The following GREB1 variants were observed in gnomAD, a reference collection of about 807,000 sequenced individuals.
GREB1 encodes the protein protein GREB1.
GREB1 carries 106 observed loss-of-function variants against 200.7 expected under a neutral mutation model. The observed-to-expected ratio is 0.53, with a 90% confidence interval of 0.45 to 0.62. The LOEUF (loss-of-function observed/expected upper bound fraction) is 0.62, where lower values mean the gene tolerates loss of function less well. GREB1 is among the 20% of genes least tolerant of loss of function. The pLI, the probability that GREB1 is intolerant of heterozygous loss-of-function variation, is 0.00. For synonymous variants in GREB1, 1,132 were observed against 1,092.4 expected, an observed-to-expected ratio of 1.04 and a Z score of -0.72; for missense variants, 2,243 against 2,556.8, an observed-to-expected ratio of 0.88 and a Z score of 2.65.
At chr2:11,593,551 A>C (rs1216728487) in intron 11 of GREB1, among the ~76,000 whole-genome samples, 2 of 152,020 alleles carry the variant, frequency 1.3e-5, no homozygotes, top group Admixed American at 1.3e-4. Context: ...CAGTGGCCTG[A>C]TCTTGGCTCA....
intron 9 of GREB1, chr2:11,588,045 G>A (rs1680344345): frequency 1.5e-6 from 1 of 664,680 alleles, no homozygotes; most frequent in Non-Finnish European, 1.9e-6. Context: ...GGGCAACATG[G>A]TGAAACCTTG....
intron 4 of GREB1, among the ~76,000 whole-genome samples, chr2:11,572,217 A>G (rs895552384): frequency 5.9e-5 from 9 of 152,196 alleles, no homozygotes; most frequent in African/African-American, 1.9e-4. Flanking sequence ...CTGGGAAGGC[A>G]CTGGATGGAG....
rs1235753060 is a variant in GREB1 at position 11,633,773 on chromosome 2, C to T, written c.4992-358C>T. Among the ~76,000 whole-genome samples, 1 of 152,074 alleles carries T rather than the reference C, an allele frequency of 6.6e-6. No homozygotes were observed. Among genetic ancestry groups the T allele is most frequent in the Non-Finnish European group, 1.5e-5 (1 of 68,026 alleles). Reference sequence around the variant, plus strand: ...CTCCCTTCCTGCTGCCCCAGCCCCACCCCTCCTCACTAGCCTGACTGCTGA... The same window carrying T: ...CTCCCTTCCTGCTGCCCCAGCCCCATCCCTCCTCACTAGCCTGACTGCTGA... On this transcript the variant is annotated intron_variant, in intron 28 of 32. Coordinates refer to ENST00000381486, the MANE Select transcript of GREB1 (RefSeq NM_014668.4). This position sits in a 1 kb window ranked among gnomAD's most constrained non-coding sequence, Gnocchi z 4.1.
chr2:11,552,236 G>C (rs946753946), intron 1 of GREB1, among the ~76,000 whole-genome samples: 1 of 152,218 alleles, frequency 6.6e-6, no homozygotes, highest in African/African-American at 2.4e-5. Context: ...TCACACACCA[G>C]CCTGGAGAGA....
chr2:11,531,780 G>A (rs1209431641), upstream of GREB1, among the ~76,000 whole-genome samples: 15 of 151,958 alleles, frequency 9.9e-5, no homozygotes, highest in Non-Finnish European at 1.6e-4. Flanking sequence ...CCTGTTGGCC[G>A]GGCTGGTCTT....
At chr2:11,588,441 G>A (rs926029128) in intron 9 of GREB1, 18 of 451,170 alleles carry the variant, frequency 4.0e-5, no homozygotes, top group Non-Finnish European at 6.6e-5. Flanking sequence ...GACAGGTGGC[G>A]GCTGCTTGGC....
intron 11 of GREB1, among the ~76,000 whole-genome samples, chr2:11,594,911 G>A (rs537926065): frequency 6.6e-6 from 1 of 151,688 alleles, no homozygotes; most frequent in Non-Finnish European, 1.5e-5. Flanking sequence ...AGCCAGGATG[G>A]TCTCGATCTC....
intron 1 of GREB1, among the ~76,000 whole-genome samples, chr2:11,519,098 GAA>G (rs568322870): frequency 1.4e-4 from 9 of 64,662 alleles, no homozygotes; most frequent in Admixed American, 3.4e-4. Context: ...CTCCGTCTCA[GAA>G]AAAAAAAAAA....
At chr2:11,514,953 C>T (rs762713956) in intron 1 of GREB1, among the ~76,000 whole-genome samples, 9 of 152,132 alleles carry the variant, frequency 5.9e-5, no homozygotes, top group Non-Finnish European at 1.2e-4. Flanking sequence ...CCATCTCTTC[C>T]TCCACTATCC....
At position 11,630,102 on chromosome 2, in the gene GREB1, C is replaced by T; in HGVS notation, c.4604C>T (p.Thr1535Ile). ...QLESMRLPLVTDKSHEYIKSP... is the reference protein window; with the variant it reads ...QLESMRLPLVIDKSHEYIKSP... ...GAGAGCATGCGACTACCCCTCGTGA[C>T]AGACAAGGTACTGGCTCAGAGACCT... The change falls in exon 26 of 33, where the codon ACA (threonine) becomes ATA (isoleucine). Residue 1535 changes from threonine (T) to isoleucine (I), a missense_variant. Physicochemically the swap from Thr to Ile is moderately conservative, Grantham distance 89. This residue lies in a region of GREB1 where 478 missense variants were observed against 616.3 expected (regional missense o/e 0.78). Transcript: ENST00000381486. 2.5e-6 allele frequency: 4 copies of T among 1,614,148 alleles called. No homozygotes were observed. The highest frequency in any genetic ancestry group is 3.4e-6 in the Non-Finnish European group (4 of 1,179,990).
At chr2:11,569,163 G>A (rs536507279) in intron 4 of GREB1, among the ~76,000 whole-genome samples, 1 of 152,164 alleles carries the variant, frequency 6.6e-6, no homozygotes, top group South Asian at 2.1e-4. Flanking sequence ...TATCTAAATG[G>A]GTTGACAGCT....
intron 1 of GREB1, among the ~76,000 whole-genome samples, chr2:11,500,094 G>T (rs1672988522): frequency 6.6e-6 from 1 of 152,080 alleles, no homozygotes; most frequent in Non-Finnish European, 1.5e-5. Context: ...CAATTCTCCT[G>T]CTTCAGCCTC....
At chr2:11,514,695 A>G (rs1673437768) in intron 1 of GREB1, among the ~76,000 whole-genome samples, 2 of 152,226 alleles carry the variant, frequency 1.3e-5, no homozygotes, top group Admixed American at 6.5e-5. Context: ...GATCCTTTGC[A>G]TCTTTTGGGG....
intron 11 of GREB1, among the ~76,000 whole-genome samples, chr2:11,594,304 C>T (rs1449337167): frequency 2.0e-5 from 3 of 152,058 alleles, no homozygotes; most frequent in African/African-American, 7.2e-5. Flanking sequence ...GCCACTGTGC[C>T]TGGCATTTAA....
intron 1 of GREB1, among the ~76,000 whole-genome samples, chr2:11,528,814 AT>A (rs1327260433): frequency 2.0e-5 from 3 of 152,144 alleles, no homozygotes; most frequent in Non-Finnish European, 4.4e-5. Context: ...ACCAGACAAT[AT>A]TTTTTAGAAG....
At chr2:11,504,777 G>T (rs1390282840) in intron 1 of GREB1, among the ~76,000 whole-genome samples, 3 of 152,032 alleles carry the variant, frequency 2.0e-5, no homozygotes, top group Non-Finnish European at 4.4e-5. Context: ...ATTTCTACTT[G>T]TTGGCCATTA....
chr2:11,610,110 GTT>G, intron 17 of GREB1, among the ~76,000 whole-genome samples: 1 of 152,236 alleles, frequency 6.6e-6, no homozygotes. Context: ...AGTAACCACA[GTT>G]TCTGAAGCAA....
At chr2:11,490,856 T>C (rs1246948801) in intron 1 of GREB1, among the ~76,000 whole-genome samples, 1 of 152,152 alleles carries the variant, frequency 6.6e-6, no homozygotes, top group Non-Finnish European at 1.5e-5. Context: ...GCCTTGGAAA[T>C]GTGTCTTTAA....
chr2:11,488,822 A>G (rs1472676080), intron 1 of GREB1, among the ~76,000 whole-genome samples: 2 of 151,264 alleles, frequency 1.3e-5, no homozygotes, highest in African/African-American at 4.9e-5. Flanking sequence ...TTGGGAAAGG[A>G]ATTACCAGAT....
Sources: gnomAD v4.1 joint callset for allele counts (sites outside exome capture counted in the v4.1 genomes callset) on GRCh38, gnomAD v4.1.1 for gene constraint, gnomAD v4.1.1 regional missense constraint, Gnocchi (gnomAD v3.1) non-coding constraint, MANE v1.5 for transcripts, NCBI Gene and HGNC (gene_info 2026-07-23, HGNC 2026-07-21) for gene names.